Variants in COL28A1 observed in about 807,000 individuals in gnomAD.
The protein encoded by COL28A1 is collagen alpha-1(XXVIII) chain.
A neutral mutation model predicts 150.2 loss-of-function variants in COL28A1; 161 were observed. The ratio of observed to expected loss-of-function variants is 1.07; its 90% CI spans 0.94 to 1.22. The LOEUF (loss-of-function observed/expected upper bound fraction) is 1.22. Ranked by LOEUF, COL28A1 falls within the 50% of genes most tolerant of loss-of-function variation. COL28A1 has a pLI of 0.00. For missense variants in COL28A1, 1,617 were observed against 1,388.3 expected, an observed-to-expected ratio of 1.16 and a Z score of -2.62; for synonymous variants, 552 against 469.7, an observed-to-expected ratio of 1.18 and a Z score of -2.26.
rs750315789 is a variant in COL28A1, at chr7:7,417,963, T to A, written c.2068-36A>T. The A allele has an allele frequency of 1.9e-6, 3 of 1,551,292 alleles. No homozygotes were observed. The South Asian group carries it at 3.4e-5, about 18-fold the overall frequency. ...ATGGGGAGAATTTGAAGACAAAATG[T>A]AAGAAGATCGAAGAAGAAACAACGT... On this transcript the variant is annotated intron_variant, in intron 26 of 34. Coordinates refer to ENST00000399429, the MANE Select transcript of COL28A1 (RefSeq NM_001037763.3).
intron 19 of COL28A1, among the ~76,000 whole-genome samples, chr7:7,444,088 T>A (rs28454801): frequency 0.21 from 31,628 of 150,698 alleles, 4,546 homozygotes; most frequent in African/African-American, 0.41. Flanking sequence ...TTATTTCCTG[T>A]ATGCATTTAC....
intron 3 of COL28A1, among the ~76,000 whole-genome samples, chr7:7,527,700 T>C (rs1485293929): frequency 1.3e-5 from 2 of 152,178 alleles, no homozygotes; most frequent in South Asian, 4.1e-4. Context: ...CAAAAGAAGA[T>C]GCAGTCAGAA....
At chr7:7,393,546 G>A (rs1010929577) in intron 27 of COL28A1, among the ~76,000 whole-genome samples, 1 of 152,214 alleles carries the variant, frequency 6.6e-6, no homozygotes, top group African/African-American at 2.4e-5. Flanking sequence ...TGCTGAAGCT[G>A]CACCCACAGT....
chr7:7,440,090 T>A (rs1785651899), intron 21 of COL28A1, among the ~76,000 whole-genome samples: 1 of 152,170 alleles, frequency 6.6e-6, no homozygotes, highest in African/African-American at 2.4e-5. Context: ...TAATGGTGGG[T>A]CTCTGAGGCT....
intron 18 of COL28A1, among the ~76,000 whole-genome samples, chr7:7,452,063 A>T (rs1047117121): frequency 2.6e-5 from 4 of 152,194 alleles, no homozygotes; most frequent in African/African-American, 9.7e-5. Context: ...GGGATTCTAT[A>T]ATAAACCAAG....
At chr7:7,433,767 C>G (rs1410236394) in intron 23 of COL28A1, among the ~76,000 whole-genome samples, 1 of 152,032 alleles carries the variant, frequency 6.6e-6, no homozygotes, top group Non-Finnish European at 1.5e-5. Flanking sequence ...TTACAACAGC[C>G]CTTGTCAATA....
At chr7:7,492,610 AAG>A (rs546068491) in intron 11 of COL28A1, among the ~76,000 whole-genome samples, 34,050 of 84,966 alleles carry the variant, frequency 0.4, 6,809 homozygotes, top group East Asian at 0.44. Flanking sequence ...AAAAAAAAAA[AAG>A]GTCTGTTGAC....
chr7:7,434,537 T>C (rs1164173117), intron 23 of COL28A1, among the ~76,000 whole-genome samples: 3 of 152,222 alleles, frequency 2.0e-5, no homozygotes. Flanking sequence ...TTTTCAGTTT[T>C]TATTTCTACA....
chr7:7,425,524 G>A (rs17167601), intron 25 of COL28A1, among the ~76,000 whole-genome samples: 18,004 of 152,052 alleles, frequency 0.12, 1,142 homozygotes, highest in Middle Eastern at 0.21. Flanking sequence ...TTTTCCCTCC[G>A]TTGCTAATCC....
At position 7,465,574 on chromosome 7, in the gene COL28A1, C is replaced by G. The variant is rs113079187; in HGVS notation, c.1302+9027G>C. On this transcript the variant is annotated intron_variant, in intron 15 of 34. Coordinates refer to ENST00000399429, the MANE Select transcript of COL28A1 (RefSeq NM_001037763.3). ...GGCTTGCTTAGGTAAACAAAGCAGCCGAGAAGCTCGAACTGGGTGGAGCCC... is the reference window on the plus strand; with the variant it reads ...GGCTTGCTTAGGTAAACAAAGCAGCGGAGAAGCTCGAACTGGGTGGAGCCC... Among the ~76,000 whole-genome samples the G allele has an allele frequency of 1.3e-3, 185 of 137,378 alleles. 3 individuals carry two copies. The highest frequency in any genetic ancestry group is 4.8e-3 in the African/African-American group (174 of 36,446). The allele number at this position is 137,378 out of a possible 152,430, so 90.1% of individuals were successfully genotyped here. A position where few individuals can be genotyped will look rare whatever the true frequency, so the allele number is the denominator to read the frequency against.
At chr7:7,536,485 C>T (rs553366988), upstream of COL28A1, among the ~76,000 whole-genome samples, 1 of 151,994 alleles carries the variant, frequency 6.6e-6, no homozygotes, top group African/African-American at 2.4e-5. Context: ...AGGTTTACAG[C>T]GGTTAATATT....
chr7:7,429,470 G>T (rs1784826962), intron 25 of COL28A1, among the ~76,000 whole-genome samples: 1 of 131,516 alleles, frequency 7.6e-6, no homozygotes, highest in Non-Finnish European at 1.6e-5. Flanking sequence ...CTGTGTGTGT[G>T]TGTGGGGGGG....
At chr7:7,432,836 C>T (rs770476347) in intron 23 of COL28A1, 136 bp from the exon 24 acceptor site, 14 of 641,934 alleles carry the variant, frequency 2.2e-5, no homozygotes, top group Non-Finnish European at 3.3e-5. Flanking sequence ...ATTGCTAGTA[C>T]TTTAATTCTT....
At chr7:7,403,548 C>T (rs1475859228) in intron 27 of COL28A1, among the ~76,000 whole-genome samples, 3 of 152,078 alleles carry the variant, frequency 2.0e-5, no homozygotes, top group Non-Finnish European at 4.4e-5. Flanking sequence ...TGGCCAATAA[C>T]AGACAGACAC....
intron 15 of COL28A1, among the ~76,000 whole-genome samples, chr7:7,459,594 C>A (rs550147529): frequency 6.6e-6 from 1 of 152,240 alleles, no homozygotes; most frequent in African/African-American, 2.4e-5. Context: ...ATATCCTTCC[C>A]CCTCTGGCAG....
At chr7:7,513,859 T>C (rs1011227291) in intron 8 of COL28A1, among the ~76,000 whole-genome samples, 1 of 152,198 alleles carries the variant, frequency 6.6e-6, no homozygotes, top group Non-Finnish European at 1.5e-5. Context: ...GCAAAGGCGT[T>C]TTCCTTTTTG....
At chr7:7,386,803 A>C (rs1265527329) in intron 27 of COL28A1, among the ~76,000 whole-genome samples, 1 of 152,202 alleles carries the variant, frequency 6.6e-6, no homozygotes, top group African/African-American at 2.4e-5. Flanking sequence ...CACAGGTCGC[A>C]GTCTGTTTGT....
intron 13 of COL28A1, among the ~76,000 whole-genome samples, chr7:7,477,831 T>C (rs982533155): frequency 1.3e-5 from 2 of 152,206 alleles, no homozygotes; most frequent in Admixed American, 1.3e-4. Context: ...TTCTATTATC[T>C]GGCCCCACCC....
intron 19 of COL28A1, 51 bp from the exon 20 acceptor site, chr7:7,443,704 T>C: frequency 6.2e-7 from 1 of 1,608,290 alleles, no homozygotes; most frequent in Non-Finnish European, 8.5e-7. Flanking sequence ...AGACAGACTG[T>C]ACGTATCATC....
Sources: allele counts gnomAD v4.1 joint callset (sites outside exome capture counted in the v4.1 genomes callset), GRCh38; gene constraint gnomAD v4.1.1; transcripts MANE v1.5; gene names NCBI Gene and HGNC (gene_info 2026-07-23, HGNC 2026-07-21).